The following POLK variants were observed in gnomAD, a reference collection of about 807,000 sequenced individuals.
The protein encoded by POLK is DNA polymerase kappa.
In POLK, 76 loss-of-function variants were observed where a neutral mutation model predicts 94.0. That is an observed-to-expected ratio of 0.81 (90% CI 0.67 to 0.98). The LOEUF is 0.98. POLK is among the 50% of genes least tolerant of loss of function. The pLI, the probability that POLK is intolerant of heterozygous loss-of-function variation, is 0.00. For synonymous variants in POLK, 349 were observed against 325.4 expected (o/e 1.07, Z -0.78); for missense variants, 954 against 1,010.1 (o/e 0.94, Z 0.75).
chr5:75,528,649 C>CA lies in POLK; in HGVS notation c.-14+16750dup, dbSNP rs573349562. ...CAACATAGCAAGAACTCCACTCTACCAAAAAAAAAAAAAAATTTGGGCAAG... is the reference window on the plus strand; with the variant it reads ...CAACATAGCAAGAACTCCACTCTACCAAAAAAAAAAAAAAAATTTGGGCAAG... On this transcript the variant is annotated intron_variant, in intron 1 of 14. Coordinates refer to ENST00000241436, the Ensembl canonical transcript of POLK. Among the ~76,000 whole-genome samples the CA allele has an allele frequency of 4.0e-3, 557 of 138,888 alleles. 2 individuals are homozygous for CA. Among genetic ancestry groups the CA allele is most frequent in the Admixed American group, 9.4e-3 (132 of 13,996 alleles). The allele number at this position is 138,888 out of a possible 152,430, so 91.1% of individuals were successfully genotyped here. A position where few individuals can be genotyped will look rare whatever the true frequency, so the allele number is the denominator to read the frequency against.
At chr5:75,568,232 T>G (rs1234090914) in intron 3 of POLK, among the ~76,000 whole-genome samples, 1 of 152,244 alleles carries the variant, frequency 6.6e-6, no homozygotes, top group Admixed American at 6.5e-5. Flanking sequence ...TAGATGTATT[T>G]ATTGAACTTG....
At chr5:75,604,500 AAGTAGCTGGGAC>A (rs1467817766), downstream of POLK, among the ~76,000 whole-genome samples, 1 of 152,174 alleles carries the variant, frequency 6.6e-6, no homozygotes, top group Non-Finnish European at 1.5e-5. Context: ...GCAGCTTCCC[AAGTAGCTGGGAC>A]TACAGGCTGG....
At chr5:75,512,058 G>T in intron 1 of POLK, 144 bp downstream of exon 1, 1 of 378,514 alleles carries the variant, frequency 2.6e-6, no homozygotes. Flanking sequence ...CCGGGCTTGC[G>T]GGCCCAGACG....
chr5:75,527,502 T>C lies in POLK; in HGVS notation c.-14+15588T>C, dbSNP rs201381521. On this transcript the variant is annotated intron_variant, in intron 1 of 14. Transcript: ENST00000241436. The stretch of plus-strand genomic sequence containing the variant: ...CTCAAAAAAAAAAAAAATTTATATA[T>C]ACACACACACACACACACACACACA... Among the ~76,000 whole-genome samples the C allele has an allele frequency of 7.6e-3, 1,018 of 133,156 alleles. 6 individuals carry two copies. The highest frequency in any genetic ancestry group is 0.017 in the South Asian group (68 of 3,896). The allele number at this position is 133,156 out of a possible 152,430, so 87.4% of individuals were successfully genotyped here.
At chr5:75,548,983 G>A (rs747186443) in intron 2 of POLK, among the ~76,000 whole-genome samples, 5 of 151,986 alleles carry the variant, frequency 3.3e-5, no homozygotes, top group Non-Finnish European at 5.9e-5. Context: ...AATGCATACC[G>A]AAATCTTCTG....
chr5:75,557,537 A>G (rs1770700842), intron 3 of POLK, among the ~76,000 whole-genome samples: 1 of 152,236 alleles, frequency 6.6e-6, no homozygotes, highest in Non-Finnish European at 1.5e-5. Flanking sequence ...ATACAGTTGA[A>G]AAATTGTAAG....
At chr5:75,536,761 T>A (rs907633364) in intron 1 of POLK, among the ~76,000 whole-genome samples, 20 of 152,100 alleles carry the variant, frequency 1.3e-4, no homozygotes, top group African/African-American at 4.6e-4. Context: ...GGTGACATGC[T>A]GTCTTGTCTG....
intron 1 of POLK, among the ~76,000 whole-genome samples, chr5:75,519,759 T>C (rs1016575527): frequency 2.0e-5 from 3 of 152,222 alleles, no homozygotes; most frequent in Non-Finnish European, 4.4e-5. Context: ...TAGAGTGTTA[T>C]GTGTGTCTGT....
intron 6 of POLK, among the ~76,000 whole-genome samples, chr5:75,577,855 A>C (rs1771979482): frequency 6.6e-6 from 1 of 152,226 alleles, no homozygotes; most frequent in African/African-American, 2.4e-5. Context: ...GCTAAGGGAT[A>C]GCTCTCTCTT....
chr5:75,606,667 G>A, the POLK span, among the ~76,000 whole-genome samples: 3 of 150,994 alleles, frequency 2.0e-5, no homozygotes, highest in Non-Finnish European at 4.4e-5. Flanking sequence ...CACGGGGTTG[G>A]GGGTAAGGTC....
exon 15 of POLK, chr5:75,598,869 G>A (rs1773213685): frequency 6.6e-6 from 1 of 152,026 alleles, no homozygotes; most frequent in South Asian, 2.1e-4. Flanking sequence ...TAATATTTGT[G>A]AAAGAAGACA....
intron 2 of POLK, 108 bp downstream of exon 2, chr5:75,547,265 T>C (rs1407757207): frequency 2.7e-6 from 1 of 375,444 alleles, no homozygotes; most frequent in Non-Finnish European, 4.4e-6. Context: ...AATATTTTAA[T>C]ATATATTATT....
chr5:75,555,749 A>G (rs1272429014), intron 3 of POLK, among the ~76,000 whole-genome samples: 2 of 152,070 alleles, frequency 1.3e-5, no homozygotes, highest in African/African-American at 4.8e-5. Flanking sequence ...GGGTTTCACC[A>G]TGTTGGCCAA....
exon 6 of POLK, chr5:75,576,915 G>C: frequency 1.9e-6 from 3 of 1,563,198 alleles, no homozygotes; most frequent in Non-Finnish European, 2.6e-6. Flanking sequence ...CATCAAAATG[G>C]GAAGCTCTGT....
intron 3 of POLK, among the ~76,000 whole-genome samples, chr5:75,552,921 A>G (rs1482303079): frequency 6.6e-6 from 1 of 152,188 alleles, no homozygotes; most frequent in East Asian, 1.9e-4. Context: ...TATTGTATAC[A>G]TCGCAGCTAG....
At position 75,590,455 on chromosome 5, in the gene POLK, T is replaced by C. The variant is rs1328926312; in HGVS notation, c.1356+15T>C. ...AAAGACTTAAGGTGCTTTATTTTGA[T>C]ATGGTGTCCTTAGTTTTTAAGTTTT... On this transcript the variant is annotated intron_variant, in intron 11 of 14. Transcript: ENST00000241436. 2 of 1,460,908 alleles carry C rather than the reference T, an allele frequency of 1.4e-6. No homozygotes were observed. Among genetic ancestry groups the C allele is most frequent in the Admixed American group, 3.4e-5 (2 of 59,248 alleles). 90.5% of individuals were successfully genotyped at this position (1,460,908 alleles called of 1,614,324 possible). A position where few individuals can be genotyped will look rare whatever the true frequency, so the allele number is the denominator to read the frequency against.
chr5:75,536,625 C>A (rs1361670146), intron 1 of POLK, among the ~76,000 whole-genome samples: 1 of 151,240 alleles, frequency 6.6e-6, no homozygotes, highest in Non-Finnish European at 1.5e-5. Context: ...CCCACCCTGC[C>A]CCCTGGGTGT....
exon 15 of POLK, chr5:75,598,695 T>C (rs1732476295): frequency 6.6e-6 from 1 of 152,318 alleles, no homozygotes; most frequent in African/African-American, 2.4e-5. Context: ...ATGGCAGTAT[T>C]TCATTTCTTG....
chr5:75,520,648 C>T (rs1580908625), intron 1 of POLK, among the ~76,000 whole-genome samples: 1 of 152,328 alleles, frequency 6.6e-6, no homozygotes, highest in East Asian at 1.9e-4. Flanking sequence ...GTCCTCCTGA[C>T]TTAGCTTTCC....
Sources: gnomAD v4.1 joint callset for allele counts (sites outside exome capture counted in the v4.1 genomes callset) on GRCh38, gnomAD v4.1.1 for gene constraint, MANE v1.5 for transcripts, NCBI Gene and HGNC (gene_info 2026-07-23, HGNC 2026-07-21) for gene names.